PTPRT: variants seen among roughly 807,000 people sequenced by gnomAD.
PTPRT encodes the protein receptor-type tyrosine-protein phosphatase T.
In PTPRT, 56 loss-of-function variants were observed where a neutral mutation model predicts 176.8. The ratio of observed to expected loss-of-function variants is 0.32; its 90% confidence interval spans 0.26 to 0.40. The LOEUF is 0.40. Ranked by LOEUF, PTPRT falls within the 10% of genes least tolerant of loss-of-function variation. The pLI, the probability that PTPRT is intolerant of heterozygous loss-of-function variation, is 1.00. For missense variants in PTPRT, 1,540 were observed against 1,908.2 expected (o/e 0.81, Z 3.60); for synonymous variants, 783 against 739.0 (o/e 1.06, Z -0.96).
chr20:43,127,910 T>C (rs2146372381), intron 1 of PTPRT, among the ~76,000 whole-genome samples: 1 of 152,344 alleles, frequency 6.6e-6, no homozygotes, highest in South Asian at 2.1e-4. Context: ...TGCATGGCAT[T>C]TTGATTGAGC....
At chr20:42,789,747 T>C (rs2077345824) in intron 3 of PTPRT, among the ~76,000 whole-genome samples, 1 of 152,178 alleles carries the variant, frequency 6.6e-6, no homozygotes, top group Non-Finnish European at 1.5e-5. Context: ...AATTGAAATA[T>C]GTATGGCAAA....
intron 16 of PTPRT, among the ~76,000 whole-genome samples, chr20:42,168,500 G>A (rs533472892): frequency 3.9e-5 from 6 of 152,280 alleles, no homozygotes; most frequent in African/African-American, 1.4e-4. Context: ...TAATAAACTT[G>A]TAACAGCTCT....
At chr20:42,895,074 T>C (rs1266779046) in intron 1 of PTPRT, among the ~76,000 whole-genome samples, 4 of 152,238 alleles carry the variant, frequency 2.6e-5, no homozygotes, top group Non-Finnish European at 5.9e-5. Flanking sequence ...TGGGGGGTTG[T>C]TAAACTTTTT....
At chr20:42,893,190 A>C (rs2079225813) in intron 1 of PTPRT, among the ~76,000 whole-genome samples, 1 of 152,248 alleles carries the variant, frequency 6.6e-6, no homozygotes, top group South Asian at 2.1e-4. Flanking sequence ...CCCATCACAA[A>C]GTGGCCAAAG....
chr20:42,057,047 C>G, the PTPRT span, among the ~76,000 whole-genome samples: 1 of 152,196 alleles, frequency 6.6e-6, no homozygotes, highest in African/African-American at 2.4e-5. Flanking sequence ...CTTCCAAGCA[C>G]TTATTTCTGG....
chr20:42,052,602 G>C, the PTPRT span, among the ~76,000 whole-genome samples: 1 of 152,170 alleles, frequency 6.6e-6, no homozygotes, highest in Admixed American at 6.5e-5. Flanking sequence ...ACTCATCTCT[G>C]TGTATGCCGT....
Position 42,920,579 on chromosome 20 carries a change from C to T in PTPRT, c.89-34647G>A, listed in dbSNP as rs1362694537. Among the ~76,000 whole-genome samples the T allele has an allele frequency of 2.0e-5, 3 of 149,522 alleles. 1 individual carries two copies. The highest frequency in any genetic ancestry group is 2.0e-4 in the Admixed American group (3 of 15,070). ...ATAATACCTTAATACTTTTTTTTTT[C>T]CAAGAGGAGAGGAAAAAAAGTCATG... is the stretch of plus-strand genomic sequence containing the variant. On this transcript the variant is annotated intron_variant, in intron 1 of 30. Transcript: ENST00000373187.
At chr20:42,989,855 T>C (rs1381648580) in intron 1 of PTPRT, among the ~76,000 whole-genome samples, 3 of 152,222 alleles carry the variant, frequency 2.0e-5, no homozygotes, top group African/African-American at 7.2e-5. Flanking sequence ...TGAAAGGCAA[T>C]GAGCACAGAA....
chr20:42,313,283 G>A (rs1456467317), intron 12 of PTPRT, among the ~76,000 whole-genome samples: 4 of 152,144 alleles, frequency 2.6e-5, no homozygotes, highest in Non-Finnish European at 5.9e-5. Flanking sequence ...GCAGCCCTCA[G>A]GGATGCTCTG....
chr20:42,780,882 A>C (rs1214816940), intron 3 of PTPRT, among the ~76,000 whole-genome samples: 1 of 152,144 alleles, frequency 6.6e-6, no homozygotes. Context: ...AAATTTTGTA[A>C]TGCATTTAGC....
At chr20:42,522,441 A>AT (rs574492060) in intron 7 of PTPRT, among the ~76,000 whole-genome samples, 101 of 151,502 alleles carry the variant, frequency 6.7e-4, no homozygotes, top group Non-Finnish European at 1.3e-3. Flanking sequence ...GCAAACTTTG[A>AT]TTTTCTGGAG....
At chr20:42,907,524 A>G (rs2145927212) in intron 1 of PTPRT, among the ~76,000 whole-genome samples, 1 of 152,284 alleles carries the variant, frequency 6.6e-6, no homozygotes, top group East Asian at 1.9e-4. Flanking sequence ...GGGCCCACCC[A>G]AAATGCCACG....
intron 1 of PTPRT, among the ~76,000 whole-genome samples, chr20:42,925,546 C>T (rs956688927): frequency 1.7e-4 from 26 of 152,192 alleles, no homozygotes; most frequent in African/African-American, 6.0e-4. Flanking sequence ...GAATTCAATG[C>T]TCATGGATGC....
At chr20:43,056,949 C>G (rs1987260768) in intron 1 of PTPRT, among the ~76,000 whole-genome samples, 1 of 151,856 alleles carries the variant, frequency 6.6e-6, no homozygotes, top group South Asian at 2.1e-4. Context: ...AAAGTGATGG[C>G]AAATGAACTA....
At chr20:42,430,408 C>A (rs1292793054) in intron 9 of PTPRT, among the ~76,000 whole-genome samples, 1 of 152,166 alleles carries the variant, frequency 6.6e-6, no homozygotes, top group Non-Finnish European at 1.5e-5. Context: ...GACCCTGACT[C>A]AGAAGACCTG....
At chr20:42,793,314 C>G (rs938951166) in intron 2 of PTPRT, among the ~76,000 whole-genome samples, 2 of 152,154 alleles carry the variant, frequency 1.3e-5, no homozygotes, top group Non-Finnish European at 2.9e-5. Context: ...TAAGTAATTT[C>G]TCATCTCTCA....
intron 8 of PTPRT, among the ~76,000 whole-genome samples, chr20:42,465,517 T>A (rs1304328057): frequency 2.6e-5 from 4 of 152,172 alleles, no homozygotes; most frequent in Non-Finnish European, 4.4e-5. Flanking sequence ...TGATATGAAG[T>A]GATTTCTAGG....
At chr20:42,099,369 CA>C (rs1985637344) in intron 26 of PTPRT, among the ~76,000 whole-genome samples, 1 of 152,124 alleles carries the variant, frequency 6.6e-6, no homozygotes, top group African/African-American at 2.4e-5. Context: ...GGCCAGCAAA[CA>C]AGAGCCGGAA....
In PTPRT at chr20:42,669,689, T is replaced by G. The variant is rs537630938; in HGVS notation, c.1153+8177A>C. On this transcript the variant is annotated intron_variant, in intron 7 of 30. Transcript: ENST00000373187. ...CTGTTCTATTTTCTAGACCTTCAAT[T>G]ACCTCTTTTTATAATTCTCTGCCTC... Among the ~76,000 whole-genome samples the G allele has an allele frequency of 9.2e-5, 14 of 152,258 alleles. No individual in the cohort carries two copies. In the East Asian group the frequency reaches 2.7e-3, roughly 29 times the overall value.
Sources: allele counts gnomAD v4.1 joint callset (sites outside exome capture counted in the v4.1 genomes callset), GRCh38; gene constraint gnomAD v4.1.1; transcripts MANE v1.5; gene names NCBI Gene and HGNC (gene_info 2026-07-23, HGNC 2026-07-21).